Variants in TENM3 observed in about 807,000 individuals in gnomAD.
TENM3 encodes teneurin-3.
TENM3 carries 63 observed loss-of-function variants against 255.1 expected under a neutral mutation model. That is an observed-to-expected ratio of 0.25 (90% CI 0.20 to 0.30). TENM3 has a LOEUF of 0.30. Among genes scored for constraint, TENM3 ranks in the 10% least tolerant of loss-of-function variants. The pLI is 1.00. For missense variants in TENM3, 2,929 were observed against 3,461.1 expected, an observed-to-expected ratio of 0.85 and a Z score of 3.86; for synonymous variants, 1,306 against 1,322.3, an observed-to-expected ratio of 0.99 and a Z score of 0.27.
At chr4:181,864,708 G>A in the TENM3 span, among the ~76,000 whole-genome samples, 4 of 152,232 alleles carry the variant, frequency 2.6e-5, no homozygotes, top group Non-Finnish European at 1.5e-5. Flanking sequence ...TAAACCGCCC[G>A]TATAGGTATG....
the TENM3 span, among the ~76,000 whole-genome samples, chr4:181,586,477 T>A: frequency 1.3e-5 from 2 of 152,118 alleles, no homozygotes; most frequent in African/African-American, 4.8e-5. Context: ...CCAGGCAATC[T>A]GCGAAAATGG....
the TENM3 span, among the ~76,000 whole-genome samples, chr4:181,857,193 G>C: frequency 6.6e-6 from 1 of 152,134 alleles, no homozygotes; most frequent in African/African-American, 2.4e-5. Context: ...ACTGAATTTA[G>C]ATTTGGTGAT....
chr4:181,657,445 A>G, the TENM3 span, among the ~76,000 whole-genome samples: 1 of 152,182 alleles, frequency 6.6e-6, no homozygotes, highest in African/African-American at 2.4e-5. Flanking sequence ...CATCAGAGAA[A>G]TGCAAATCAA....
intron 4 of TENM3, among the ~76,000 whole-genome samples, chr4:182,619,536 A>C (rs1374242705): frequency 6.6e-6 from 1 of 152,224 alleles, no homozygotes; most frequent in Non-Finnish European, 1.5e-5. Flanking sequence ...AGAAGACATA[A>C]GAGCAACTAT....
At position 182,601,800 on chromosome 4, in the gene TENM3, C is replaced by T. The variant is rs371191126; in HGVS notation, c.749+639C>T. ...ACTGAAATCTCCATCCCTGAAACTT[C>T]CATCCTCTGACTGTAACCGTACAAC... On this transcript the variant is annotated intron_variant, in intron 4 of 27. Coordinates refer to ENST00000511685, the MANE Select transcript of TENM3 (RefSeq NM_001080477.4). Among the ~76,000 whole-genome samples the T allele has an allele frequency of 9.8e-5, 15 of 152,320 alleles. No homozygotes were observed. The South Asian group carries it at 2.5e-3, about 25-fold the overall frequency.
At chr4:182,763,051 C>G (rs4862091) in intron 22 of TENM3, among the ~76,000 whole-genome samples, 149 of 152,078 alleles carry the variant, frequency 9.8e-4, no homozygotes, top group African/African-American at 3.5e-3. Flanking sequence ...TTGTAGCGCT[C>G]TCTAAAAACT....
chr4:181,688,540 AGTAC>A, the TENM3 span, among the ~76,000 whole-genome samples: 1 of 152,186 alleles, frequency 6.6e-6, no homozygotes, highest in East Asian at 1.9e-4. Context: ...GGGTTTTGCA[AGTAC>A]GTGTCATTGT....
chr4:181,939,130 T>C, the TENM3 span, among the ~76,000 whole-genome samples: 1 of 152,238 alleles, frequency 6.6e-6, no homozygotes, highest in South Asian at 2.1e-4. Flanking sequence ...CACTTTTTCA[T>C]ACTTAAAGTA....
intron 1 of TENM3, among the ~76,000 whole-genome samples, chr4:182,264,779 G>C (rs1306958436): frequency 6.6e-6 from 1 of 152,210 alleles, no homozygotes; most frequent in Non-Finnish European, 1.5e-5. Context: ...CATGGCTAAA[G>C]TTGGGTAATA....
chr4:182,707,979 G>C (rs1758418160), intron 12 of TENM3: 1 of 149,364 alleles, frequency 6.7e-6, no homozygotes, highest in African/African-American at 2.5e-5. Flanking sequence ...CTACTGGGGG[G>C]AAAAAACACC....
the TENM3 span, among the ~76,000 whole-genome samples, chr4:181,704,836 C>G: frequency 6.6e-6 from 1 of 152,030 alleles, no homozygotes; most frequent in African/African-American, 2.4e-5. Context: ...AGTTTGAAAC[C>G]AGCCTGACCA....
the TENM3 span, among the ~76,000 whole-genome samples, chr4:181,757,642 CA>C: frequency 1.3e-5 from 2 of 152,146 alleles, no homozygotes; most frequent in Non-Finnish European, 2.9e-5. Context: ...TTACAGGCAG[CA>C]AAAGGATTAC....
intron 3 of TENM3, among the ~76,000 whole-genome samples, chr4:182,575,647 ACTT>A (rs1744842664): frequency 1.3e-5 from 2 of 152,198 alleles, no homozygotes; most frequent in Admixed American, 1.3e-4. Context: ...GATTTTCTTA[ACTT>A]GTATATTTAT....
At chr4:182,608,539 G>C (rs1748651709) in intron 4 of TENM3, among the ~76,000 whole-genome samples, 2 of 152,176 alleles carry the variant, frequency 1.3e-5, no homozygotes, top group Non-Finnish European at 2.9e-5. Flanking sequence ...ACGTGCGCTG[G>C]GACAGTGAGG....
chr4:182,753,348 T>C (rs966466541), intron 20 of TENM3, 102 bp from the exon 21 acceptor site: 2 of 956,984 alleles, frequency 2.1e-6, no homozygotes, highest in African/African-American at 3.2e-5. Flanking sequence ...GTCACCCGTG[T>C]TGTCACTGGG....
chr4:182,051,546 T>A, the TENM3 span, among the ~76,000 whole-genome samples: 11 of 151,718 alleles, frequency 7.3e-5, no homozygotes, highest in African/African-American at 2.7e-4. Context: ...CTCGGCTAAT[T>A]TTTTGTATTT....
the TENM3 span, among the ~76,000 whole-genome samples, chr4:181,448,747 A>G: frequency 0.091 from 13,790 of 151,948 alleles, 720 homozygotes; most frequent in Middle Eastern, 0.2. Flanking sequence ...TTGTTATACT[A>G]TTGTTGGTCG....
chr4:182,488,817 C>A lies in TENM3; in HGVS notation c.512-112107C>A, dbSNP rs185841194. Among the ~76,000 whole-genome samples the A allele has an allele frequency of 4.6e-5, 7 of 151,830 alleles. No homozygotes were observed. The East Asian group carries it at 1.4e-3, about 29-fold the overall frequency. ...TGTAATTTACGTGTGTTTATGAAAC[C>A]AGAACGCATTAGTAATTTAAAAGTT... On this transcript the variant is annotated intron_variant, in intron 3 of 27. Coordinates refer to ENST00000511685, the MANE Select transcript of TENM3 (RefSeq NM_001080477.4).
At chr4:181,651,802 C>G in the TENM3 span, among the ~76,000 whole-genome samples, 1 of 152,054 alleles carries the variant, frequency 6.6e-6, no homozygotes, top group Non-Finnish European at 1.5e-5. Flanking sequence ...TACCATATTA[C>G]AGAATAATTC....
Sources: allele counts gnomAD v4.1 joint callset (sites outside exome capture counted in the v4.1 genomes callset), GRCh38; gene constraint gnomAD v4.1.1; transcripts MANE v1.5; gene names NCBI Gene and HGNC (gene_info 2026-07-23, HGNC 2026-07-21).